The following MTUS2 variants were observed in gnomAD, a reference collection of about 807,000 sequenced individuals.
MTUS2 encodes the protein microtubule-associated tumor suppressor candidate 2.
Under a neutral mutation model 114.1 loss-of-function variants are expected in MTUS2, and 40 were observed. The observed-to-expected ratio is 0.35, with a 90% CI of 0.27 to 0.46. MTUS2 has a LOEUF of 0.46. Among genes scored for constraint, MTUS2 ranks in the 20% least tolerant of loss-of-function variants. The pLI is 1.00. For missense variants in MTUS2, 1,679 were observed against 1,705.4 expected (o/e 0.98, Z 0.27); for synonymous variants, 688 against 672.0 (o/e 1.02, Z -0.37).
intron 1 of MTUS2, among the ~76,000 whole-genome samples, chr13:28,835,973 G>A (rs1034780194): frequency 3.9e-5 from 6 of 152,066 alleles, no homozygotes; most frequent in Admixed American, 1.3e-4. Context: ...TATGTCATTC[G>A]GAAAGGCTAA....
intron 2 of MTUS2, among the ~76,000 whole-genome samples, chr13:28,947,525 C>T (rs1882594845): frequency 6.6e-6 from 1 of 152,110 alleles, no homozygotes; most frequent in South Asian, 2.1e-4. Context: ...ACCAAAGCCA[C>T]ATGAGATCTT....
intron 11 of MTUS2, among the ~76,000 whole-genome samples, chr13:29,490,866 G>T (rs1156313854): frequency 6.6e-6 from 1 of 152,242 alleles, no homozygotes; most frequent in East Asian, 1.9e-4. Flanking sequence ...AAGAAAATAG[G>T]ATTTAATGTT....
intron 5 of MTUS2, among the ~76,000 whole-genome samples, chr13:29,269,520 CACCT>C (rs1402150229): frequency 2.6e-5 from 4 of 152,182 alleles, no homozygotes; most frequent in African/African-American, 4.8e-5. Flanking sequence ...TAACATTTAA[CACCT>C]GTTAGGATGG....
chr13:29,437,940 C>A (rs1438156411), intron 8 of MTUS2, among the ~76,000 whole-genome samples: 2 of 98,714 alleles, frequency 2.0e-5, no homozygotes, highest in Admixed American at 1.2e-4. Flanking sequence ...AGAGCGAGAT[C>A]TTATCTCAAA....
chr13:29,466,788 G>A (rs367640929), intron 9 of MTUS2, among the ~76,000 whole-genome samples: 19 of 148,620 alleles, frequency 1.3e-4, no homozygotes, highest in African/African-American at 4.2e-4. Context: ...GGAGTGGGAC[G>A]ATCACTTGAG....
chr13:29,361,369 C>T (rs1870236730), intron 8 of MTUS2, among the ~76,000 whole-genome samples: 1 of 152,188 alleles, frequency 6.6e-6, no homozygotes, highest in African/African-American at 2.4e-5. Flanking sequence ...ATTTCACCTC[C>T]CACACAATGT....
At chr13:28,912,706 T>C in intron 2 of MTUS2, among the ~76,000 whole-genome samples, 1 of 152,160 alleles carries the variant, frequency 6.6e-6, no homozygotes. Context: ...TGGTTTGTTG[T>C]TCTTCTTAAA....
intron 5 of MTUS2, among the ~76,000 whole-genome samples, chr13:29,163,653 G>C (rs1479257683): frequency 1.3e-5 from 2 of 152,122 alleles, no homozygotes; most frequent in African/African-American, 2.4e-5. Flanking sequence ...ACCCCCTACA[G>C]TTTGACTTCA....
chr13:28,904,753 A>G (rs920010852), intron 2 of MTUS2, among the ~76,000 whole-genome samples: 1 of 152,118 alleles, frequency 6.6e-6, no homozygotes, highest in African/African-American at 2.4e-5. Context: ...TTTTGGTTCC[A>G]TATGAACTTT....
intron 12 of MTUS2, among the ~76,000 whole-genome samples, chr13:29,494,147 T>TG (rs1882375787): frequency 2.0e-5 from 3 of 152,392 alleles, no homozygotes; most frequent in African/African-American, 7.2e-5. Context: ...TGACAGTATC[T>TG]TTCTCAAGGT....
At chr13:29,142,520 A>G (rs1324868585) in intron 5 of MTUS2, among the ~76,000 whole-genome samples, 2 of 152,146 alleles carry the variant, frequency 1.3e-5, no homozygotes, top group African/African-American at 4.8e-5. Flanking sequence ...CCTGGCCAAC[A>G]TGGTGAACCC....
chr13:29,466,876 CAAAAAAAA>C (rs11296600), intron 9 of MTUS2, among the ~76,000 whole-genome samples: 2 of 87,626 alleles, frequency 2.3e-5, no homozygotes, highest in African/African-American at 4.4e-5. Context: ...GACCTCATCT[CAAAAAAAA>C]AAAAAAAAAA....
At chr13:29,018,692 G>A (rs1012645749) in intron 2 of MTUS2, among the ~76,000 whole-genome samples, 2 of 152,114 alleles carry the variant, frequency 1.3e-5, no homozygotes, top group East Asian at 1.9e-4. Context: ...CCCAGGAAGC[G>A]GAGGTTACAG....
At chr13:29,246,769 A>C (rs1896941237) in intron 5 of MTUS2, among the ~76,000 whole-genome samples, 1 of 152,196 alleles carries the variant, frequency 6.6e-6, no homozygotes, top group African/African-American at 2.4e-5. Context: ...ACACAAACAA[A>C]TGGAAACACA....
chr13:29,114,226 G>C (rs1382947795), intron 5 of MTUS2, among the ~76,000 whole-genome samples: 1 of 151,978 alleles, frequency 6.6e-6, no homozygotes, highest in Non-Finnish European at 1.5e-5. Context: ...GACTAATACA[G>C]TTGGTGACAT....
chr13:29,356,743 C>G (rs1026445777), intron 7 of MTUS2, among the ~76,000 whole-genome samples: 1 of 152,222 alleles, frequency 6.6e-6, no homozygotes, highest in African/African-American at 2.4e-5. Context: ...TGGCAGGACC[C>G]TTTTCAACTT....
chr13:28,935,295 G>A (rs1881845275), intron 2 of MTUS2, among the ~76,000 whole-genome samples: 2 of 152,128 alleles, frequency 1.3e-5, no homozygotes, highest in South Asian at 4.1e-4. Flanking sequence ...CTAAACAGGA[G>A]TAAAATTGCT....
chr13:28,969,275 A>G (rs919646514), intron 2 of MTUS2, among the ~76,000 whole-genome samples: 1 of 152,024 alleles, frequency 6.6e-6, no homozygotes, highest in Non-Finnish European at 1.5e-5. Context: ...CTATTTTTTT[A>G]ATTGCCAAAG....
chr13:29,103,946 C>G (rs1254640841), intron 5 of MTUS2, among the ~76,000 whole-genome samples: 1 of 152,178 alleles, frequency 6.6e-6, no homozygotes, highest in Non-Finnish European at 1.5e-5. Context: ...CTAGGCTAGC[C>G]TGGCTCTACT....
Sources: allele counts gnomAD v4.1 joint callset (sites outside exome capture counted in the v4.1 genomes callset), GRCh38; gene constraint gnomAD v4.1.1; transcripts MANE v1.5; gene names NCBI Gene and HGNC (gene_info 2026-07-23, HGNC 2026-07-21).